Variants in PPP1R1C observed in about 807,000 individuals in gnomAD.
PPP1R1C encodes protein phosphatase 1 regulatory inhibitor subunit 1C, also known as protein phosphatase 1 regulatory subunit 1C.
PPP1R1C carries 15 observed loss-of-function variants against 17.4 expected under a neutral mutation model. The ratio of observed to expected loss-of-function variants is 0.86; its 90% confidence interval spans 0.58 to 1.33. PPP1R1C has a LOEUF of 1.33. Among genes scored for constraint, PPP1R1C ranks in the 40% most tolerant of loss-of-function variants. The probability of loss-of-function intolerance (pLI) is 0.00; values close to 1 mark genes in which losing one functional copy is unlikely to be tolerated. For missense variants in PPP1R1C, 143 were observed against 130.0 expected (o/e 1.10, Z -0.48); for synonymous variants, 35 against 43.1 (o/e 0.81, Z 0.73).
chr2:182,091,348 A>G (rs1472258888), intron 4 of PPP1R1C, among the ~76,000 whole-genome samples: 1 of 152,182 alleles, frequency 6.6e-6, no homozygotes, highest in Non-Finnish European at 1.5e-5. Flanking sequence ...GGTTAAGTGA[A>G]TCAAAGTCTA....
intron 4 of PPP1R1C, among the ~76,000 whole-genome samples, chr2:182,066,948 G>C (rs183853997): frequency 1.4e-5 from 1 of 72,336 alleles, no homozygotes; most frequent in African/African-American, 4.6e-5. Flanking sequence ...TTTTGTGTGT[G>C]TGTCTGTGTG....
intron 4 of PPP1R1C, among the ~76,000 whole-genome samples, chr2:182,079,689 T>C (rs944372482): frequency 2.0e-5 from 3 of 152,186 alleles, no homozygotes; most frequent in Admixed American, 6.5e-5. Context: ...AAATGTTTCC[T>C]CTCACAGTTG....
At chr2:182,101,683 G>T (rs1186633292) in intron 4 of PPP1R1C, among the ~76,000 whole-genome samples, 1 of 152,200 alleles carries the variant, frequency 6.6e-6, no homozygotes, top group Non-Finnish European at 1.5e-5. Context: ...ATACGGTGTT[G>T]GTATGTGTAC....
chr2:182,128,404 T>C (rs1689928277), intron 5 of PPP1R1C, among the ~76,000 whole-genome samples: 1 of 152,004 alleles, frequency 6.6e-6, no homozygotes, highest in South Asian at 2.1e-4. Flanking sequence ...TAATAGAAGA[T>C]CAGAGAATCT....
At chr2:182,114,903 C>T (rs1386927482) in intron 4 of PPP1R1C, among the ~76,000 whole-genome samples, 1 of 152,116 alleles carries the variant, frequency 6.6e-6, no homozygotes, top group Non-Finnish European at 1.5e-5. Context: ...CAGACCTATT[C>T]TCAAGTGTGG....
At chr2:182,021,730 A>G (rs1057220547) in intron 2 of PPP1R1C, among the ~76,000 whole-genome samples, 1 of 152,242 alleles carries the variant, frequency 6.6e-6, no homozygotes, top group Non-Finnish European at 1.5e-5. Flanking sequence ...AAGAAAAAGT[A>G]TCAGACAGAA....
At chr2:182,005,350 C>T (rs1467969907) in intron 2 of PPP1R1C, among the ~76,000 whole-genome samples, 8 of 152,196 alleles carry the variant, frequency 5.3e-5, no homozygotes, top group African/African-American at 1.4e-4. Context: ...ATATTATCTC[C>T]GCTCTGACAA....
At chr2:182,016,443 C>T (rs902772660) in intron 2 of PPP1R1C, among the ~76,000 whole-genome samples, 1 of 152,042 alleles carries the variant, frequency 6.6e-6, no homozygotes, top group African/African-American at 2.4e-5. Flanking sequence ...CTGCTAGAGG[C>T]TTCTATTTGG....
At chr2:182,124,783 A>G (rs982328724) in intron 5 of PPP1R1C, among the ~76,000 whole-genome samples, 1 of 152,168 alleles carries the variant, frequency 6.6e-6, no homozygotes, top group South Asian at 2.1e-4. Context: ...TATCAGCTGA[A>G]AGAGTTTTTG....
At chr2:182,017,893 T>C (rs952882930) in intron 2 of PPP1R1C, among the ~76,000 whole-genome samples, 1 of 152,168 alleles carries the variant, frequency 6.6e-6, no homozygotes. Context: ...GGAAAGATCA[T>C]ACTTTTTTGT....
chr2:182,043,451 C>T (rs995589151), intron 2 of PPP1R1C, among the ~76,000 whole-genome samples: 4 of 152,032 alleles, frequency 2.6e-5, no homozygotes, highest in South Asian at 2.1e-4. Flanking sequence ...ATGTTGAAAT[C>T]GAGCATAGAA....
At chr2:182,082,656 G>A (rs1266765689) in intron 4 of PPP1R1C, among the ~76,000 whole-genome samples, 1 of 152,074 alleles carries the variant, frequency 6.6e-6, no homozygotes, top group Non-Finnish European at 1.5e-5. Flanking sequence ...GATTATTCCA[G>A]CAATAGAAAT....
intron 1 of PPP1R1C, among the ~76,000 whole-genome samples, chr2:181,975,067 G>T (rs1314026554): frequency 3.3e-5 from 5 of 152,092 alleles, no homozygotes; most frequent in South Asian, 2.1e-4. Context: ...TGACTTAAGG[G>T]ACTCTTAAAA....
intron 4 of PPP1R1C, among the ~76,000 whole-genome samples, chr2:182,092,668 G>C (rs1688816086): frequency 6.6e-6 from 1 of 152,164 alleles, no homozygotes; most frequent in African/African-American, 2.4e-5. Flanking sequence ...CCAAATGGGA[G>C]TAATTGGCCA....
intron 4 of PPP1R1C, among the ~76,000 whole-genome samples, chr2:182,064,727 G>T (rs544631576): frequency 6.6e-6 from 1 of 152,134 alleles, no homozygotes; most frequent in African/African-American, 2.4e-5. Context: ...TCATAAGACT[G>T]CAGAACATAA....
chr2:181,994,441 C>T (rs1345324032), intron 2 of PPP1R1C, among the ~76,000 whole-genome samples: 1 of 152,100 alleles, frequency 6.6e-6, no homozygotes, highest in African/African-American at 2.4e-5. Context: ...GCTAACCTTT[C>T]TTTATTTATT....
intron 4 of PPP1R1C, among the ~76,000 whole-genome samples, chr2:182,109,570 C>G (rs1160622323): frequency 6.6e-6 from 1 of 152,084 alleles, no homozygotes; most frequent in African/African-American, 2.4e-5. Flanking sequence ...TGTGGATGTC[C>G]AGTTGTTCAA....
chr2:182,053,345 T>A (rs952329007), intron 2 of PPP1R1C, among the ~76,000 whole-genome samples: 2 of 152,240 alleles, frequency 1.3e-5, no homozygotes, highest in African/African-American at 4.8e-5. Flanking sequence ...CACTTTGGAA[T>A]GTATAAATAT....
intron 2 of PPP1R1C, among the ~76,000 whole-genome samples, chr2:182,007,525 A>C (rs1390295896): frequency 6.6e-6 from 1 of 152,188 alleles, no homozygotes; most frequent in East Asian, 1.9e-4. Flanking sequence ...GCTTTTGAGA[A>C]TAACGCCACA....
Sources: allele counts gnomAD v4.1 joint callset (sites outside exome capture counted in the v4.1 genomes callset), GRCh38; gene constraint gnomAD v4.1.1; transcripts MANE v1.5; gene names NCBI Gene and HGNC (gene_info 2026-07-23, HGNC 2026-07-21).